Variants in GRM7 observed in about 807,000 individuals in gnomAD.
GRM7 encodes metabotropic glutamate receptor 7.
In GRM7, 35 loss-of-function variants were observed where a neutral mutation model predicts 84.5. The ratio of observed to expected loss-of-function variants is 0.41; its 90% confidence interval spans 0.32 to 0.55. GRM7 has a LOEUF of 0.55. Among genes scored for constraint, GRM7 ranks in the 20% least tolerant of loss-of-function variants. The probability of loss-of-function intolerance (pLI) is 0.19; values close to 1 mark genes in which losing one functional copy is unlikely to be tolerated. For synonymous variants in GRM7, 487 were observed against 455.1 expected (o/e 1.07, Z -0.89); for missense variants, 1,003 against 1,194.6 (o/e 0.84, Z 2.36).
At chr3:7,526,452 A>G (rs1228849348) in intron 7 of GRM7, among the ~76,000 whole-genome samples, 1 of 152,008 alleles carries the variant, frequency 6.6e-6, no homozygotes, top group East Asian at 1.9e-4. Flanking sequence ...TGCATAGTTT[A>G]CAAATACTTT....
chr3:7,316,831 A>G (rs1002182817), intron 4 of GRM7, among the ~76,000 whole-genome samples: 2 of 152,160 alleles, frequency 1.3e-5, no homozygotes, highest in African/African-American at 4.8e-5. Flanking sequence ...TGGAAACAAA[A>G]TTCAATTTTG....
At chr3:7,607,927 T>A (rs1428852416) in intron 8 of GRM7, 2 of 172,454 alleles carry the variant, frequency 1.2e-5, no homozygotes, top group African/African-American at 4.8e-5. Context: ...TGTTCCCTTT[T>A]TTGTGTTCAT....
intron 7 of GRM7, among the ~76,000 whole-genome samples, chr3:7,519,173 G>T (rs1700499636): frequency 1.3e-5 from 2 of 152,128 alleles, no homozygotes; most frequent in African/African-American, 4.8e-5. Context: ...TTTCTTAGTA[G>T]AACTTAACAG....
chr3:6,865,977 G>A (rs1694925714), intron 1 of GRM7, among the ~76,000 whole-genome samples: 1 of 152,112 alleles, frequency 6.6e-6, no homozygotes, highest in African/African-American at 2.4e-5. Context: ...ATGGTGAGTG[G>A]GAAATTTTTA....
Position 7,485,795 on chromosome 3 carries a change from G to A in GRM7, c.1515+24073G>A, listed in dbSNP as rs547233336. Among the ~76,000 whole-genome samples, 107 of 152,280 alleles carry A rather than the reference G, an allele frequency of 7.0e-4. 1 individual carries two copies. The South Asian group carries it at 0.021, about 30-fold the overall frequency. On this transcript the variant is annotated intron_variant, in intron 7 of 9. Transcript: ENST00000357716. ...TTGCTTATCTTTTGGAGCAAACCAA[G>A]AGAATCGCTGATGCCACTGCATGGA... is the stretch of plus-strand genomic sequence containing the variant.
chr3:7,330,662 G>A (rs1192896556), intron 4 of GRM7, among the ~76,000 whole-genome samples: 2 of 152,286 alleles, frequency 1.3e-5, no homozygotes, highest in South Asian at 2.1e-4. Flanking sequence ...TCTCCTGCCT[G>A]CCGCCATGTA....
chr3:6,960,676 T>A (rs906974695), intron 1 of GRM7, among the ~76,000 whole-genome samples: 1 of 152,198 alleles, frequency 6.6e-6, no homozygotes, highest in Non-Finnish European at 1.5e-5. Flanking sequence ...TTAGCAAAAT[T>A]CCCAATCTCC....
intron 1 of GRM7, among the ~76,000 whole-genome samples, chr3:6,881,900 G>A (rs895774082): frequency 1.6e-4 from 24 of 148,250 alleles, no homozygotes; most frequent in Non-Finnish European, 2.8e-4. Context: ...CACAATGATC[G>A]ATTAGTCTAA....
intron 7 of GRM7, among the ~76,000 whole-genome samples, chr3:7,489,947 C>G (rs1362634374): frequency 6.6e-6 from 1 of 151,270 alleles, no homozygotes; most frequent in East Asian, 1.9e-4. Flanking sequence ...ACTATATACT[C>G]CATATTATTA....
intron 4 of GRM7, among the ~76,000 whole-genome samples, chr3:7,382,151 CT>C (rs761697372): frequency 7.1e-4 from 108 of 152,138 alleles, no homozygotes; most frequent in Non-Finnish European, 1.1e-3. Flanking sequence ...TACCTTATGG[CT>C]TTTTTATTGG....
chr3:7,446,800 C>A (rs551967491), intron 5 of GRM7, among the ~76,000 whole-genome samples: 1 of 152,138 alleles, frequency 6.6e-6, no homozygotes, highest in East Asian at 1.9e-4. Context: ...TCCATTATAT[C>A]TTTCATTTTC....
Position 6,862,044 on chromosome 3 carries a change from T to TCC in GRM7, c.519+139_519+140dup. 1.5e-6 allele frequency: 1 copy of TCC among 684,414 alleles called. No individual in the cohort carries two copies. The highest frequency in any genetic ancestry group is 2.4e-6 in the Non-Finnish European group (1 of 410,534). The allele number at this position is 684,414 out of a possible 1,614,324, so 42.4% of individuals were successfully genotyped here. A position where few individuals can be genotyped will look rare whatever the true frequency, so the allele number is the denominator to read the frequency against. Reference sequence around the variant, plus strand: ...CTCCCTGGAGATCCTGCCGAATCCCTCCCACCCCGCTCGAGGAGATACCTT... The same window carrying TCC: ...CTCCCTGGAGATCCTGCCGAATCCCTCCCCCACCCCGCTCGAGGAGATACCTT... On this transcript the variant is annotated intron_variant, in intron 1 of 9. Transcript: ENST00000357716. The surrounding 1 kb of genome is among the most constrained non-coding windows in gnomAD (Gnocchi z 5.2).
intron 1 of GRM7, among the ~76,000 whole-genome samples, chr3:7,066,121 A>G (rs921197307): frequency 3.0e-4 from 46 of 151,858 alleles, no homozygotes; most frequent in Admixed American, 4.6e-4. Context: ...TCAAGGAACT[A>G]GAGAAATAAG....
At chr3:6,952,468 G>C (rs1692826256) in intron 1 of GRM7, among the ~76,000 whole-genome samples, 1 of 152,176 alleles carries the variant, frequency 6.6e-6, no homozygotes, top group South Asian at 2.1e-4. Context: ...CTGGTATTCT[G>C]TCCTATTAAT....
chr3:7,566,738 A>G (rs1369738140), intron 7 of GRM7, among the ~76,000 whole-genome samples: 1 of 149,246 alleles, frequency 6.7e-6, no homozygotes, highest in Admixed American at 6.7e-5. Context: ...TTAAAAAGGC[A>G]TAGAGGTTGT....
intron 1 of GRM7, among the ~76,000 whole-genome samples, chr3:6,947,549 T>G (rs1197827122): frequency 2.6e-5 from 4 of 152,306 alleles, no homozygotes; most frequent in Non-Finnish European, 5.9e-5. Context: ...GCTTTGGCAT[T>G]AGGATGATGC....
chr3:7,455,694 A>G (rs142611545), intron 6 of GRM7, among the ~76,000 whole-genome samples: 7 of 152,168 alleles, frequency 4.6e-5, no homozygotes, highest in Non-Finnish European at 8.8e-5. Context: ...TTCTGACTCA[A>G]AGAGACCAAG....
chr3:7,029,320 A>C (rs535198981), intron 1 of GRM7, among the ~76,000 whole-genome samples: 1,645 of 151,392 alleles, frequency 0.011, 33 homozygotes, highest in African/African-American at 0.037. Context: ...AAAAACAAAA[A>C]AAAAAAACAA....
intron 4 of GRM7, among the ~76,000 whole-genome samples, chr3:7,336,216 C>A (rs1370515663): frequency 6.6e-6 from 1 of 151,946 alleles, no homozygotes; most frequent in East Asian, 1.9e-4. Context: ...GATTTCATAC[C>A]TGGGATGCAG....
Sources: allele counts gnomAD v4.1 joint callset (sites outside exome capture counted in the v4.1 genomes callset), GRCh38; gene constraint gnomAD v4.1.1; non-coding constraint Gnocchi (gnomAD v3.1); transcripts MANE v1.5; gene names NCBI Gene and HGNC (gene_info 2026-07-23, HGNC 2026-07-21).